Variants in LINGO2 observed in about 807,000 individuals in gnomAD.
LINGO2 encodes leucine-rich repeat and immunoglobulin-like domain-containing nogo receptor-interacting protein 2.
Under a neutral mutation model 30.6 loss-of-function variants are expected in LINGO2, and 14 were observed. The observed-to-expected ratio is 0.46, with a 90% confidence interval of 0.30 to 0.72. The LOEUF is 0.72. Among genes scored for constraint, LINGO2 ranks in the 30% least tolerant of loss-of-function variants. LINGO2 has a pLI of 0.07. For missense variants in LINGO2, 729 were observed against 751.7 expected (o/e 0.97, Z 0.35); for synonymous variants, 317 against 288.5 (o/e 1.10, Z -1.00).
chr9:28,097,340 T>A (rs1424375785), intron 4 of LINGO2, among the ~76,000 whole-genome samples: 1 of 151,572 alleles, frequency 6.6e-6, no homozygotes, highest in East Asian at 2.0e-4. Flanking sequence ...ACTGGGTATA[T>A]ACCCAAAGGA....
chr9:27,971,118 A>T (rs2118756094), intron 5 of LINGO2, among the ~76,000 whole-genome samples: 1 of 152,138 alleles, frequency 6.6e-6, no homozygotes, highest in South Asian at 2.1e-4. Context: ...TCAAACCCCA[A>T]GTTCTATAGC....
chr9:28,234,908 C>G (rs1821504821), intron 4 of LINGO2, among the ~76,000 whole-genome samples: 1 of 152,170 alleles, frequency 6.6e-6, no homozygotes, highest in Admixed American at 6.5e-5. Flanking sequence ...AAAACCCTGA[C>G]TAGTACATGT....
intron 4 of LINGO2, among the ~76,000 whole-genome samples, chr9:28,274,392 G>A (rs1823045399): frequency 6.6e-6 from 1 of 152,100 alleles, no homozygotes; most frequent in Non-Finnish European, 1.5e-5. Flanking sequence ...GGGTTAAACT[G>A]ACATCAAGAT....
intron 2 of LINGO2, among the ~76,000 whole-genome samples, chr9:28,459,636 A>G (rs1044529235): frequency 1.3e-5 from 2 of 152,036 alleles, no homozygotes; most frequent in Non-Finnish European, 2.9e-5. Context: ...ATCAGAAATA[A>G]TATCTTTTCC....
chr9:28,651,844 TC>T (rs1332385935), intron 1 of LINGO2, among the ~76,000 whole-genome samples: 2 of 152,138 alleles, frequency 1.3e-5, no homozygotes, highest in African/African-American at 4.8e-5. Flanking sequence ...TTCTTCTGCC[TC>T]TCCAACCTCC....
chr9:28,771,735 G>A, the LINGO2 span, among the ~76,000 whole-genome samples: 3 of 152,036 alleles, frequency 2.0e-5, no homozygotes, highest in African/African-American at 7.2e-5. Context: ...ATAGCACAGA[G>A]CAGACATTTA....
At chr9:28,655,158 G>C (rs941814666) in intron 1 of LINGO2, among the ~76,000 whole-genome samples, 1 of 151,962 alleles carries the variant, frequency 6.6e-6, no homozygotes. Flanking sequence ...AGAGTTGATC[G>C]TTTTATAAGG....
the LINGO2 span, among the ~76,000 whole-genome samples, chr9:29,027,256 C>T: frequency 6.6e-6 from 1 of 152,126 alleles, no homozygotes; most frequent in Non-Finnish European, 1.5e-5. Context: ...TATGTTCTAG[C>T]ATTAAATAAT....
intron 1 of LINGO2, among the ~76,000 whole-genome samples, chr9:28,636,491 G>T (rs139801940): frequency 0.018 from 2,720 of 152,108 alleles, 62 homozygotes; most frequent in Non-Finnish European, 0.027. Context: ...ACCTGTTGTT[G>T]CCTGACTTTT....
intron 5 of LINGO2, among the ~76,000 whole-genome samples, chr9:27,973,889 T>G (rs1254637039): frequency 6.6e-6 from 1 of 152,166 alleles, no homozygotes; most frequent in Non-Finnish European, 1.5e-5. Context: ...ACCAATGACA[T>G]TTACATATAA....
chr9:28,081,123 T>C (rs1825761030), intron 4 of LINGO2: 1 of 152,184 alleles, frequency 6.6e-6, no homozygotes, highest in Non-Finnish European at 1.5e-5. Flanking sequence ...TTCTTTCTTG[T>C]GCGGGCTGTT....
At chr9:29,201,175 T>A in the LINGO2 span, among the ~76,000 whole-genome samples, 1 of 152,056 alleles carries the variant, frequency 6.6e-6, no homozygotes, top group African/African-American at 2.4e-5. Flanking sequence ...ATACTCCACT[T>A]CCTTCAGGGC....
At chr9:28,825,784 C>T in the LINGO2 span, among the ~76,000 whole-genome samples, 1 of 152,096 alleles carries the variant, frequency 6.6e-6, no homozygotes, top group Non-Finnish European at 1.5e-5. Context: ...AACGTTGTAG[C>T]CACACACTAA....
intron 1 of LINGO2, among the ~76,000 whole-genome samples, chr9:28,552,915 C>A (rs369262519): frequency 6.7e-6 from 1 of 149,012 alleles, no homozygotes; most frequent in Non-Finnish European, 1.5e-5. Flanking sequence ...TTCTTGTTTT[C>A]GAGATGAAGA....
At chr9:28,227,918 C>T (rs975365257) in intron 4 of LINGO2, among the ~76,000 whole-genome samples, 10 of 152,180 alleles carry the variant, frequency 6.6e-5, no homozygotes, top group African/African-American at 2.4e-4. Flanking sequence ...AGCCACAACA[C>T]TTTGATGAAT....
the LINGO2 span, among the ~76,000 whole-genome samples, chr9:28,744,387 T>G: frequency 1.3e-5 from 2 of 151,994 alleles, no homozygotes; most frequent in Non-Finnish European, 2.9e-5. Flanking sequence ...CTGCATGGTG[T>G]TCACCCTTGC....
chr9:28,771,490 TGTGTGTGTGTGTGTGTGAGA>T, the LINGO2 span, among the ~76,000 whole-genome samples: 4 of 128,040 alleles, frequency 3.1e-5, no homozygotes, highest in African/African-American at 1.5e-4. Context: ...TGTGTGTGTG[TGTGTGTGTGTGTGTGTGAGA>T]GAGAGAGAGA....
chr9:28,445,963 C>T (rs138813242), intron 2 of LINGO2, among the ~76,000 whole-genome samples: 146 of 152,278 alleles, frequency 9.6e-4, no homozygotes, highest in African/African-American at 3.4e-3. Context: ...ATTAATTCTC[C>T]TGATCTGTGC....
At chr9:28,852,562 C>G in the LINGO2 span, among the ~76,000 whole-genome samples, 1 of 151,970 alleles carries the variant, frequency 6.6e-6, no homozygotes, top group East Asian at 1.9e-4. Context: ...AACTACATTA[C>G]TGGTACTGCC....
Sources: allele counts gnomAD v4.1 joint callset (sites outside exome capture counted in the v4.1 genomes callset), GRCh38; gene constraint gnomAD v4.1.1; transcripts MANE v1.5; gene names NCBI Gene and HGNC (gene_info 2026-07-23, HGNC 2026-07-21).